CCDC7: variants seen among roughly 807,000 people sequenced by gnomAD.
CCDC7 encodes the protein coiled-coil domain-containing protein 7.
CCDC7 carries 183 observed loss-of-function variants against 196.9 expected under a neutral mutation model. That is an observed-to-expected ratio of 0.93 (90% CI 0.82 to 1.05). The LOEUF is 1.05. CCDC7 is among the 50% of genes least tolerant of loss of function. The pLI, the probability that CCDC7 is intolerant of heterozygous loss-of-function variation, is 0.00. For missense variants in CCDC7, 1,540 were observed against 1,482.2 expected, an observed-to-expected ratio of 1.04 and a Z score of -0.64; for synonymous variants, 525 against 484.6, an observed-to-expected ratio of 1.08 and a Z score of -1.10.
intron 11 of CCDC7, among the ~76,000 whole-genome samples, chr10:32,528,697 CAT>C (rs765494518): frequency 2.7e-4 from 39 of 146,486 alleles, no homozygotes; most frequent in East Asian, 1.9e-3. Context: ...TATACACACA[CAT>C]ATATATGTAT....
chr10:32,788,788 C>G (rs1360605621), intron 29 of CCDC7, among the ~76,000 whole-genome samples: 1 of 152,252 alleles, frequency 6.6e-6, no homozygotes, highest in East Asian at 1.9e-4. Flanking sequence ...AGACATCAGA[C>G]CAGTTCCCAC....
chr10:32,859,775 C>G (rs753797936), intron 41 of CCDC7, among the ~76,000 whole-genome samples: 1 of 152,060 alleles, frequency 6.6e-6, no homozygotes, highest in Non-Finnish European at 1.5e-5. Context: ...TCAGAGAATA[C>G]TATAAACGCC....
intron 25 of CCDC7, among the ~76,000 whole-genome samples, chr10:32,716,202 C>T (rs1021332361): frequency 1.3e-5 from 2 of 152,226 alleles, no homozygotes; most frequent in African/African-American, 4.8e-5. Context: ...AACAGCAGAT[C>T]TCTCTGCAGA....
intron 29 of CCDC7, among the ~76,000 whole-genome samples, chr10:32,784,890 T>C (rs1430937178): frequency 1.3e-5 from 2 of 151,270 alleles, no homozygotes; most frequent in African/African-American, 4.9e-5. Context: ...TGGTCCCAGT[T>C]ACTCAGGAGG....
rs371540663 is a variant in CCDC7, at chr10:32,689,094, C to T, written c.2275C>T (p.Gln759Ter). ...AAATGAAAATCTTATACTTAGGCAT[C>T]AAGACTCAATGTCAAAATCAGAAAT... The change falls in exon 23 of 42, where the codon CAA becomes TAA. Residue 759 changes from glutamine to a stop codon, truncating the protein, a stop_gained. Transcript: ENST00000639629. LOFTEE classifies it high-confidence loss of function. 1 of 1,608,310 alleles carries T rather than the reference C, an allele frequency of 6.2e-7. No homozygotes were observed. The highest frequency in any genetic ancestry group is 8.5e-7 in the Non-Finnish European group (1 of 1,176,254).
intron 30 of CCDC7, among the ~76,000 whole-genome samples, chr10:32,809,468 A>C (rs11009091): frequency 0.09 from 13,755 of 152,216 alleles, 885 homozygotes; most frequent in East Asian, 0.33. Flanking sequence ...AAATTTTTGC[A>C]ATCTACCCAT....
At chr10:32,561,090 G>A (rs1487294555) in intron 13 of CCDC7, among the ~76,000 whole-genome samples, 1 of 152,104 alleles carries the variant, frequency 6.6e-6, no homozygotes, top group Non-Finnish European at 1.5e-5. Context: ...TAATGGTAAA[G>A]GGATCAATTC....
chr10:32,486,942 A>G (rs996517050), intron 8 of CCDC7, among the ~76,000 whole-genome samples: 2 of 151,296 alleles, frequency 1.3e-5, no homozygotes, highest in South Asian at 2.1e-4. Context: ...CTTCATTTCA[A>G]CTTTGGTGAA....
At chr10:32,854,604 T>G (rs535970441) in intron 41 of CCDC7, 115 bp downstream of exon 42, 3 of 636,294 alleles carry the variant, frequency 4.7e-6, no homozygotes, top group African/African-American at 3.8e-5. Context: ...ACCAACCTTA[T>G]GGGTGAGGCA....
chr10:32,817,733 A>G (rs2089096828), intron 31 of CCDC7, among the ~76,000 whole-genome samples: 1 of 152,202 alleles, frequency 6.6e-6, no homozygotes, highest in African/African-American at 2.4e-5. Flanking sequence ...TATCCAGCCA[A>G]ACTAAGCTTC....
chr10:32,515,761 G>T (rs1419178017), intron 9 of CCDC7, among the ~76,000 whole-genome samples: 1 of 151,278 alleles, frequency 6.6e-6, no homozygotes, highest in Non-Finnish European at 1.5e-5. Flanking sequence ...AGGATGGTCT[G>T]GATCTCCTGA....
At chr10:32,820,456 A>G (rs1245225818) in intron 31 of CCDC7, among the ~76,000 whole-genome samples, 1 of 152,186 alleles carries the variant, frequency 6.6e-6, no homozygotes, top group African/African-American at 2.4e-5. Context: ...ACAGAATTGG[A>G]AAAAACTACT....
intron 28 of CCDC7, among the ~76,000 whole-genome samples, chr10:32,761,414 T>C (rs908772356): frequency 2.6e-5 from 4 of 151,982 alleles, no homozygotes; most frequent in Admixed American, 1.3e-4. Context: ...TACTTAAAAA[T>C]AGCAGGTTTC....
At chr10:32,501,775 G>A (rs1337226339) in intron 9 of CCDC7, among the ~76,000 whole-genome samples, 1 of 152,182 alleles carries the variant, frequency 6.6e-6, no homozygotes, top group Non-Finnish European at 1.5e-5. Context: ...GGTGTCTATC[G>A]GCCCCTACTG....
chr10:32,742,050 A>G (rs996291574), intron 28 of CCDC7, among the ~76,000 whole-genome samples: 2 of 152,206 alleles, frequency 1.3e-5, no homozygotes, highest in Non-Finnish European at 2.9e-5. Flanking sequence ...GCCAGTTCTC[A>G]TGAACAACAT....
chr10:32,733,858 A>G (rs1481581896), intron 28 of CCDC7, among the ~76,000 whole-genome samples: 2 of 152,138 alleles, frequency 1.3e-5, no homozygotes. Context: ...TTTGTTTTAT[A>G]CAAATCAAAA....
At chr10:32,842,440 A>G (rs1218855740) in intron 33 of CCDC7, among the ~76,000 whole-genome samples, 1 of 152,118 alleles carries the variant, frequency 6.6e-6, no homozygotes, top group African/African-American at 2.4e-5. Flanking sequence ...AAATAAAAAA[A>G]TAACAGATGT....
intron 41 of CCDC7, among the ~76,000 whole-genome samples, chr10:32,865,240 T>C (rs1355266239): frequency 2.0e-5 from 3 of 151,900 alleles, no homozygotes; most frequent in Non-Finnish European, 2.9e-5. Flanking sequence ...TTTATGTTAA[T>C]ATTAAAATGA....
At chr10:32,772,357 C>G (rs1427404365) in intron 28 of CCDC7, among the ~76,000 whole-genome samples, 1 of 152,200 alleles carries the variant, frequency 6.6e-6, no homozygotes. Flanking sequence ...GAGTCCCAGT[C>G]AGCCTGTAAT....
Sources: allele counts gnomAD v4.1 joint callset (sites outside exome capture counted in the v4.1 genomes callset), GRCh38; gene constraint gnomAD v4.1.1; transcripts MANE v1.5; gene names NCBI Gene and HGNC (gene_info 2026-07-23, HGNC 2026-07-21).